PDE10A: variants seen among roughly 807,000 people sequenced by gnomAD.
The protein encoded by PDE10A is phosphodiesterase 10A.
In PDE10A, 39 loss-of-function variants were observed where a neutral mutation model predicts 97.7. The observed-to-expected ratio is 0.40, with a 90% CI of 0.31 to 0.52. PDE10A has a LOEUF of 0.52. Ranked by LOEUF, PDE10A falls within the 20% of genes least tolerant of loss-of-function variation. PDE10A has a pLI of 0.56. For synonymous variants in PDE10A, 371 were observed against 376.8 expected (o/e 0.98, Z 0.18); for missense variants, 731 against 1,047.8 (o/e 0.70, Z 4.17).
At chr6:165,564,216 G>A (rs532811561) in intron 1 of PDE10A, among the ~76,000 whole-genome samples, 16 of 152,136 alleles carry the variant, frequency 1.1e-4, no homozygotes, top group Non-Finnish European at 1.8e-4. Flanking sequence ...GTCCAACACT[G>A]TTCCTCAAAG....
chr6:165,823,520 A>T (rs1779637773), intron 1 of PDE10A, among the ~76,000 whole-genome samples: 1 of 97,912 alleles, frequency 1.0e-5, no homozygotes, highest in African/African-American at 3.1e-5. Flanking sequence ...ATATATATAT[A>T]TATATGAACC....
At chr6:165,728,669 T>C (rs536891778) in intron 1 of PDE10A, among the ~76,000 whole-genome samples, 1 of 152,218 alleles carries the variant, frequency 6.6e-6, no homozygotes, top group Admixed American at 6.5e-5. Flanking sequence ...ATTCAAAATG[T>C]AGATAAGGTA....
chr6:165,386,994 C>T (rs893202023), intron 17 of PDE10A, among the ~76,000 whole-genome samples: 3 of 151,738 alleles, frequency 2.0e-5, no homozygotes, highest in Non-Finnish European at 2.9e-5. Flanking sequence ...CCAGCCTGGG[C>T]GACACAGCGA....
In PDE10A at chr6:165,395,589, A is replaced by AG. The variant is rs201350136; in HGVS notation, c.2220-326dup. On this transcript the variant is annotated intron_variant, in intron 14 of 21. Transcript: ENST00000539869. ...TTAGATAAATATACAATCATAGAAAAGGGGGGAAAAGCCTTTTCAGAAGTA... is the reference window on the plus strand; with the variant it reads ...TTAGATAAATATACAATCATAGAAAAGGGGGGGAAAAGCCTTTTCAGAAGTA... Among the ~76,000 whole-genome samples, 69 of 152,292 alleles carry AG rather than the reference A, an allele frequency of 4.5e-4. No individual in the cohort carries two copies. The East Asian group carries it at 0.013, about 29-fold the overall frequency.
At chr6:165,361,640 A>G (rs1783431809) in intron 18 of PDE10A, among the ~76,000 whole-genome samples, 1 of 152,194 alleles carries the variant, frequency 6.6e-6, no homozygotes, top group Non-Finnish European at 1.5e-5. Flanking sequence ...AAGGAAAGAC[A>G]CCAGGGGAAT....
At chr6:165,983,999 G>A (rs1158937361) in intron 1 of PDE10A, among the ~76,000 whole-genome samples, 6 of 152,226 alleles carry the variant, frequency 3.9e-5, no homozygotes, top group Admixed American at 1.3e-4. Flanking sequence ...CTGCAGGCAT[G>A]GGCCATGGTT....
rs543532132 is a variant in PDE10A at position 165,466,056 on chromosome 6, A to G, written c.1024-15694T>C. On this transcript the variant is annotated intron_variant, in intron 3 of 21. Transcript: ENST00000539869. ...GACAATGAATTCATGTCGAAGTAGA[A>G]AGCACACAGGCAGGGATTCTGCAAA... 4.6e-5 allele frequency among the ~76,000 whole-genome samples: 7 copies of G among 152,342 alleles called. No homozygotes were observed. In the South Asian group the frequency reaches 1.5e-3, roughly 32 times the overall value.
rs996809301 is a variant in PDE10A at position 165,510,108 on chromosome 6, G to T, written c.995-27765C>A. ...TGCTCTCTGGCTAAGACATTCAGTA[G>T]TATGTTGAATAGGAGTGCTGAAAGT... On this transcript the variant is annotated intron_variant, in intron 2 of 21. Coordinates refer to ENST00000539869, the MANE Select transcript of PDE10A (RefSeq NM_001385079.1). Among the ~76,000 whole-genome samples, 3 of 152,074 alleles carry T rather than the reference G, an allele frequency of 2.0e-5. No homozygotes were observed. The East Asian group carries it at 5.8e-4, about 29-fold the overall frequency.
At chr6:165,976,935 G>A (rs758706679) in intron 1 of PDE10A, among the ~76,000 whole-genome samples, 5 of 152,302 alleles carry the variant, frequency 3.3e-5, no homozygotes, top group African/African-American at 7.2e-5. Flanking sequence ...CCTTGGAATC[G>A]CACCCTCTGC....
chr6:165,691,898 G>A (rs371501883), intron 1 of PDE10A, among the ~76,000 whole-genome samples: 10 of 152,256 alleles, frequency 6.6e-5, no homozygotes, highest in African/African-American at 1.7e-4. Context: ...CCAAGCACTC[G>A]GTACATCCTT....
At chr6:165,790,343 A>C (rs1321178956) in intron 1 of PDE10A, among the ~76,000 whole-genome samples, 1 of 152,216 alleles carries the variant, frequency 6.6e-6, no homozygotes, top group Non-Finnish European at 1.5e-5. Context: ...ATATCAGAAA[A>C]GATTTCTGAC....
Position 165,920,543 on chromosome 6 carries a change from T to TACACACACACACAC in PDE10A, c.-615+66972_-615+66985dup, listed in dbSNP as rs55746374. On this transcript the variant is annotated intron_variant, in intron 1 of 19. Transcript: ENST00000366882. ...GATGCTTATCTTCTAAGACTGGGCTTACACACACACACACACACACACACA... is the reference window on the plus strand; with the variant it reads ...GATGCTTATCTTCTAAGACTGGGCTTACACACACACACACACACACACACACACACACACACACA... Among the ~76,000 whole-genome samples the TACACACACACACAC allele has an allele frequency of 3.3e-5, 5 of 149,380 alleles. No individual in the cohort carries two copies. In the South Asian group the frequency reaches 8.5e-4, roughly 26 times the overall value.
chr6:165,635,552 A>G (rs1788835484), intron 1 of PDE10A, among the ~76,000 whole-genome samples: 1 of 152,210 alleles, frequency 6.6e-6, no homozygotes, highest in East Asian at 1.9e-4. Flanking sequence ...ATCCAAGCAA[A>G]CAAGTGGGTA....
chr6:165,715,372 A>G (rs1792000685), intron 1 of PDE10A, among the ~76,000 whole-genome samples: 3 of 152,234 alleles, frequency 2.0e-5, no homozygotes, highest in African/African-American at 4.8e-5. Flanking sequence ...AAATCAGCCA[A>G]CAGAAGTGGT....
At chr6:165,931,055 A>G (rs1783118565) in intron 1 of PDE10A, among the ~76,000 whole-genome samples, 2 of 152,284 alleles carry the variant, frequency 1.3e-5, no homozygotes, top group South Asian at 2.1e-4. Flanking sequence ...TCAGATGGGG[A>G]CCTCGCGCAT....
In PDE10A at chr6:165,428,693, T is replaced by C; in HGVS notation, c.1618A>G (p.Ile540Val). The C allele has an allele frequency of 7.6e-7, 1 of 1,323,294 alleles. No homozygotes were observed. Among genetic ancestry groups the C allele is most frequent in the Non-Finnish European group, 1.1e-6 (1 of 929,094 alleles). 82.0% of individuals were successfully genotyped at this position (1,323,294 alleles called of 1,614,324 possible). A position where few individuals can be genotyped will look rare whatever the true frequency, so the allele number is the denominator to read the frequency against. Residue 540 changes from isoleucine (I) to valine (V), a missense_variant, in exon 10 of 22, where the codon ATA (isoleucine) becomes GTA (valine). By Grantham distance (29) the Ile-to-Val change is conservative. Around this residue, in one of 8 missense-constraint regions of PDE10A, gnomAD observed 108 missense variants for 199.8 expected, o/e 0.54. Transcript: ENST00000539869. ...LDVSKTYFDN[I>V]VAIDSLLEHI... Reference sequence around the variant, plus strand: ...TCAAGTAGAGAATCTATTGCAACTATGTTATCAAAATATGTTCTGAAAAAA... The same window carrying C: ...TCAAGTAGAGAATCTATTGCAACTACGTTATCAAAATATGTTCTGAAAAAA...
At chr6:165,845,014 A>C (rs951248396) in intron 1 of PDE10A, among the ~76,000 whole-genome samples, 6 of 152,260 alleles carry the variant, frequency 3.9e-5, no homozygotes, top group Non-Finnish European at 5.9e-5. Context: ...GCTTATTAGC[A>C]TCAAGGGAGC....
chr6:165,603,140 G>A (rs577699002), intron 1 of PDE10A, among the ~76,000 whole-genome samples: 19 of 152,176 alleles, frequency 1.2e-4, no homozygotes, highest in African/African-American at 3.4e-4. Context: ...GGCAAGCCAC[G>A]GGCATCTTTT....
intron 1 of PDE10A, among the ~76,000 whole-genome samples, chr6:165,586,603 T>C (rs1484644430): frequency 6.6e-6 from 1 of 152,170 alleles, no homozygotes; most frequent in Non-Finnish European, 1.5e-5. Context: ...AAGGGCCAAA[T>C]GATAGTTTAC....
Sources: allele counts gnomAD v4.1 joint callset (sites outside exome capture counted in the v4.1 genomes callset), GRCh38; gene constraint gnomAD v4.1.1; regional missense constraint gnomAD v4.1.1; transcripts MANE v1.5; gene names NCBI Gene and HGNC (gene_info 2026-07-23, HGNC 2026-07-21).